Variants in P4HB observed in about 807,000 individuals in gnomAD.
P4HB encodes protein disulfide-isomerase.
Under a neutral mutation model 52.6 loss-of-function variants are expected in P4HB, and 20 were observed. The ratio of observed to expected loss-of-function variants is 0.38; its 90% CI spans 0.27 to 0.55. The LOEUF is 0.55. P4HB is among the 20% of genes least tolerant of loss of function. P4HB has a pLI of 0.74. For synonymous variants in P4HB, 296 were observed against 277.9 expected (o/e 1.07, Z -0.65); for missense variants, 601 against 669.2 (o/e 0.90, Z 1.12).
intron 2 of P4HB, among the ~76,000 whole-genome samples, chr17:81,856,200 T>C (rs1330474322): frequency 6.6e-6 from 1 of 151,156 alleles, no homozygotes; most frequent in Non-Finnish European, 1.5e-5. Flanking sequence ...AGGGTCTTGC[T>C]CTGTCACCCA....
At chr17:81,854,076 T>A (rs1406465583) in intron 4 of P4HB, among the ~76,000 whole-genome samples, 1 of 152,204 alleles carries the variant, frequency 6.6e-6, no homozygotes, top group South Asian at 2.1e-4. Context: ...GTTTTCACAG[T>A]GGATCCTTAG....
At chr17:81,849,926 C>T (rs1191281276) in intron 4 of P4HB, among the ~76,000 whole-genome samples, 1 of 150,898 alleles carries the variant, frequency 6.6e-6, no homozygotes, top group Non-Finnish European at 1.5e-5. Context: ...CTCCCGAGTT[C>T]CAGCAATTCT....
intron 4 of P4HB, among the ~76,000 whole-genome samples, chr17:81,854,031 T>C (rs1210294982): frequency 1.3e-5 from 2 of 152,198 alleles, no homozygotes; most frequent in African/African-American, 4.8e-5. Context: ...CCAGGAGCCC[T>C]TCCCCAGGAG....
At chr17:81,849,842 T>C (rs954005264) in intron 4 of P4HB, among the ~76,000 whole-genome samples, 11 of 152,308 alleles carry the variant, frequency 7.2e-5, no homozygotes, top group Admixed American at 5.2e-4. Flanking sequence ...TTTTTTATTT[T>C]TTGAGACGGA....
rs2038732645 is a variant in P4HB at position 81,846,176 on chromosome 17, A to C, written c.1057-185T>G. Reference sequence around the variant, plus strand: ...CTGGGCCAGTGGGCTGGGCCCAATGAGCCCACGCAGGCCGCACCCTCGCCG... The same window carrying C: ...CTGGGCCAGTGGGCTGGGCCCAATGCGCCCACGCAGGCCGCACCCTCGCCG... On this transcript the variant is annotated intron_variant, in intron 7 of 10. Coordinates refer to ENST00000331483, the MANE Select transcript of P4HB (RefSeq NM_000918.4). This position sits in a 1 kb window ranked among gnomAD's most constrained non-coding sequence, Gnocchi z 5.7. Among the ~76,000 whole-genome samples the C allele has an allele frequency of 6.6e-6, 1 of 152,244 alleles. No individual in the cohort carries two copies. The highest frequency in any genetic ancestry group is 2.1e-4 in the South Asian group (1 of 4,832).
intron 5 of P4HB, 46 bp downstream of exon 5, chr17:81,847,197 C>T: frequency 6.2e-7 from 1 of 1,603,594 alleles, no homozygotes; most frequent in South Asian, 1.1e-5. Context: ...CCACCCCCAA[C>T]CCACTCCTCC....
At chr17:81,847,537 C>T in intron 4 of P4HB, 190 bp from the exon 5 acceptor site, 1 of 604,044 alleles carries the variant, frequency 1.7e-6, no homozygotes, top group Admixed American at 2.8e-5. Context: ...CTGGTCACGG[C>T]CTTATGGCTG....
In P4HB at chr17:81,860,456, G is replaced by A. The variant is rs1353466382; in HGVS notation, c.16C>T (p.Leu6=). Residue 6 remains leucine, a synonymous_variant, in exon 1 of 11, where the codon CTG becomes TTG. Transcript: ENST00000331483. Reference sequence around the variant, plus strand: ...AGGGCGGCCACGGCCAGGCACAGCAGAGCGCGGCGCAGCATGTCGGACACG... The same window carrying A: ...AGGGCGGCCACGGCCAGGCACAGCAAAGCGCGGCGCAGCATGTCGGACACG... The part of the protein sequence containing the change: MLRRA[L]LCLAVAALVR... The A allele has an allele frequency of 1.8e-5, 24 of 1,356,508 alleles. No homozygotes were observed. In the Admixed American group the frequency reaches 6.8e-4, roughly 39 times the overall value. 84.0% of individuals were successfully genotyped at this position (1,356,508 alleles called of 1,614,324 possible). A position where few individuals can be genotyped will look rare whatever the true frequency, so the allele number is the denominator to read the frequency against.
chr17:81,860,121 G>A (rs771128829), intron 1 of P4HB: 3 of 410,232 alleles, frequency 7.3e-6, no homozygotes, highest in Admixed American at 4.6e-5. Context: ...TGCGCAGGGC[G>A]GGCATCGGGA....
intron 4 of P4HB, chr17:81,847,634 C>A: frequency 2.0e-6 from 1 of 488,476 alleles, no homozygotes; most frequent in Non-Finnish European, 3.7e-6. Context: ...GGCCCATCCC[C>A]AGGGCCCCTA....
In P4HB at chr17:81,847,356, A is replaced by G; in HGVS notation, c.625-9T>C. On this transcript the variant is annotated splice_polypyrimidine_tract_variant and intron_variant, in intron 4 of 10. Transcript: ENST00000331483. ...TTCCGGCCTTCATCAAACTGTGGAC[A>G]GAAAGAGGGCCCTGACTGAGCATTG... The G allele has an allele frequency of 6.2e-7, 1 of 1,608,174 alleles. No homozygotes were observed. Among genetic ancestry groups the G allele is most frequent in the Non-Finnish European group, 8.5e-7 (1 of 1,174,570 alleles).
intron 4 of P4HB, among the ~76,000 whole-genome samples, chr17:81,848,190 G>A (rs141496563): frequency 9.2e-5 from 14 of 152,140 alleles, no homozygotes; most frequent in African/African-American, 2.2e-4. Context: ...GTGAGCCACC[G>A]CGCCCGGCTG....
At chr17:81,852,549 C>T (rs1416373855) in intron 4 of P4HB, among the ~76,000 whole-genome samples, 2 of 152,262 alleles carry the variant, frequency 1.3e-5, no homozygotes, top group Non-Finnish European at 2.9e-5. Flanking sequence ...CTGCCCGGAG[C>T]TGCCTGCAAC....
chr17:81,848,679 T>G (rs1475903088), intron 4 of P4HB, among the ~76,000 whole-genome samples: 1 of 131,584 alleles, frequency 7.6e-6, no homozygotes, highest in South Asian at 2.4e-4. Flanking sequence ...GAGGTTGCGG[T>G]GAGCCGAGAT....
At chr17:81,845,026 C>T (rs1164822958) in intron 10 of P4HB, 118 bp downstream of exon 10, 13 of 832,186 alleles carry the variant, frequency 1.6e-5, no homozygotes, top group South Asian at 4.6e-5. Flanking sequence ...GAGCCCTGGA[C>T]GCACAGACGT....
intron 2 of P4HB, among the ~76,000 whole-genome samples, chr17:81,858,133 G>T: frequency 6.6e-6 from 1 of 151,852 alleles, no homozygotes; most frequent in East Asian, 1.9e-4. Context: ...TTAGCCAGGC[G>T]TGGTGGTGCA....
chr17:81,860,466 C>T lies in P4HB; in HGVS notation c.6G>A (p.Leu2=). The T allele has an allele frequency of 7.5e-7, 1 of 1,330,944 alleles. No homozygotes were observed. The allele number at this position is 1,330,944 out of a possible 1,614,324, so 82.4% of individuals were successfully genotyped here. A position where few individuals can be genotyped will look rare whatever the true frequency, so the allele number is the denominator to read the frequency against. The change falls in exon 1 of 11, where the codon CTG becomes CTA. Residue 2 remains leucine, a synonymous_variant. Transcript: ENST00000331483. ...CGGCCAGGCACAGCAGAGCGCGGCG[C>T]AGCATGTCGGACACGGATCAGGCGG... M[L]RRALLCLAVA...
chr17:81,848,428 A>AC (rs1286676245), intron 4 of P4HB, among the ~76,000 whole-genome samples: 1 of 151,530 alleles, frequency 6.6e-6, no homozygotes, highest in African/African-American at 2.4e-5. Context: ...ATAACATGTA[A>AC]TGGGATTATT....
intron 4 of P4HB, among the ~76,000 whole-genome samples, chr17:81,848,841 T>C (rs2038781926): frequency 6.6e-6 from 1 of 150,396 alleles, no homozygotes; most frequent in African/African-American, 2.5e-5. Context: ...GTTCACGAGT[T>C]TGGGACCAGC....
Sources: allele counts gnomAD v4.1 joint callset (sites outside exome capture counted in the v4.1 genomes callset), GRCh38; gene constraint gnomAD v4.1.1; non-coding constraint Gnocchi (gnomAD v3.1); transcripts MANE v1.5; gene names NCBI Gene and HGNC (gene_info 2026-07-23, HGNC 2026-07-21).